The following ARHGAP28 variants were observed in gnomAD, a reference collection of about 807,000 sequenced individuals.
The protein encoded by ARHGAP28 is rho GTPase-activating protein 28.
A neutral mutation model predicts 90.7 loss-of-function variants in ARHGAP28; 56 were observed. That is an observed-to-expected ratio of 0.62 (90% CI 0.50 to 0.77). The LOEUF is 0.77. ARHGAP28 is among the 30% of genes least tolerant of loss of function. The pLI is 0.00. For synonymous variants in ARHGAP28, 308 were observed against 323.3 expected, an observed-to-expected ratio of 0.95 and a Z score of 0.51; for missense variants, 869 against 900.9, an observed-to-expected ratio of 0.96 and a Z score of 0.45.
At chr18:6,738,807 G>A (rs2055950621) in intron 1 of ARHGAP28, among the ~76,000 whole-genome samples, 1 of 152,158 alleles carries the variant, frequency 6.6e-6, no homozygotes, top group South Asian at 2.1e-4. Context: ...AGTCAAAGAA[G>A]TGAGGACTAA....
chr18:6,851,891 G>A (rs1411317655), intron 4 of ARHGAP28, among the ~76,000 whole-genome samples: 21 of 152,168 alleles, frequency 1.4e-4, no homozygotes, highest in Non-Finnish European at 2.9e-4. Flanking sequence ...ACAGGAGGGA[G>A]GGTGAGGAGG....
chr18:6,847,883 G>A (rs540134590), intron 3 of ARHGAP28, among the ~76,000 whole-genome samples: 1 of 152,266 alleles, frequency 6.6e-6, no homozygotes, highest in African/African-American at 2.4e-5. Context: ...AAAGGTGCAT[G>A]GAGCGAAGTC....
At chr18:6,879,928 C>T (rs759173866) in intron 10 of ARHGAP28, among the ~76,000 whole-genome samples, 1 of 152,206 alleles carries the variant, frequency 6.6e-6, no homozygotes, top group Non-Finnish European at 1.5e-5. Flanking sequence ...GTAGCACCTG[C>T]CCTTGACCCT....
intron 4 of ARHGAP28, among the ~76,000 whole-genome samples, chr18:6,857,956 G>A (rs2056967020): frequency 6.6e-6 from 1 of 152,162 alleles, no homozygotes; most frequent in Non-Finnish European, 1.5e-5. Flanking sequence ...GTGTAAAGGG[G>A]ATAGGTTGGT....
At chr18:6,755,119 G>A (rs1414750542) in intron 1 of ARHGAP28, among the ~76,000 whole-genome samples, 1 of 152,138 alleles carries the variant, frequency 6.6e-6, no homozygotes, top group Non-Finnish European at 1.5e-5. Flanking sequence ...GCTGCAGTGA[G>A]CCGAGATCGC....
intron 1 of ARHGAP28, among the ~76,000 whole-genome samples, chr18:6,800,448 T>C (rs573062392): frequency 1.7e-4 from 26 of 152,270 alleles, no homozygotes; most frequent in Admixed American, 5.2e-4. Context: ...AGCAAAGACT[T>C]GGAACCAACC....
chr18:6,794,196 A>C (rs2056425680), intron 1 of ARHGAP28, among the ~76,000 whole-genome samples: 1 of 152,022 alleles, frequency 6.6e-6, no homozygotes, highest in Admixed American at 6.6e-5. Flanking sequence ...TTCTTTCCCA[A>C]CCTCTTTTGA....
intron 1 of ARHGAP28, among the ~76,000 whole-genome samples, chr18:6,744,421 G>T (rs539738196): frequency 6.6e-6 from 1 of 152,138 alleles, no homozygotes; most frequent in Non-Finnish European, 1.5e-5. Context: ...TGACCTCAAG[G>T]GTCTTTTCTC....
At chr18:6,902,389 G>A (rs1010366883) in intron 16 of ARHGAP28, among the ~76,000 whole-genome samples, 1 of 152,088 alleles carries the variant, frequency 6.6e-6, no homozygotes, top group Non-Finnish European at 1.5e-5. Flanking sequence ...ATCTAAAAGA[G>A]TTCTAAAATT....
chr18:6,762,448 T>G (rs8088112), intron 1 of ARHGAP28, among the ~76,000 whole-genome samples: 4,604 of 152,342 alleles, frequency 0.03, 203 homozygotes, highest in African/African-American at 0.098. Context: ...GGATGTAATT[T>G]CATTCAGTTT....
Position 6,889,904 on chromosome 18 carries a change from T to G in ARHGAP28, c.1553T>G (p.Phe518Cys). 1 of 1,614,092 alleles carries G rather than the reference T, an allele frequency of 6.2e-7. No individual in the cohort carries two copies. Among genetic ancestry groups the G allele is most frequent in the Non-Finnish European group, 8.5e-7 (1 of 1,180,026 alleles). ...RDAAQALMTF[F>C]NKVIANESKN... ...TCTTCTTAGGCCCTCATGACATTCT[T>G]CAATAAAGTGATTGCCAATGAATCA... Residue 518 changes from phenylalanine to cysteine, a missense_variant, in exon 13 of 18, where the codon TTC becomes TGC. Phe to Cys is a radical substitution (Grantham distance 205, BLOSUM62 -2). Coordinates refer to ENST00000383472, the MANE Select transcript of ARHGAP28 (RefSeq NM_001366230.1).
rs764810618 is a variant in ARHGAP28, at chr18:6,850,922, C to T, written c.544-112C>T. 30 of 1,530,308 alleles carry T rather than the reference C, an allele frequency of 2.0e-5. No homozygotes were observed. The East Asian group carries it at 6.9e-4, about 35-fold the overall frequency. 94.8% of individuals were successfully genotyped at this position (1,530,308 alleles called of 1,614,324 possible). On this transcript the variant is annotated intron_variant, in intron 3 of 17. Coordinates refer to ENST00000383472, the MANE Select transcript of ARHGAP28 (RefSeq NM_001366230.1). Reference sequence around the variant, plus strand: ...CCAGGTAGTCATTAATTGTATATATCTCCAGGCAGCTGTACATATATATAA... The same window carrying T: ...CCAGGTAGTCATTAATTGTATATATTTCCAGGCAGCTGTACATATATATAA...
chr18:6,840,232 C>T (rs1393850868), intron 3 of ARHGAP28, among the ~76,000 whole-genome samples: 2 of 152,200 alleles, frequency 1.3e-5, no homozygotes, highest in Non-Finnish European at 2.9e-5. Flanking sequence ...TGTCCGGGAT[C>T]ATCTTGAGAG....
At chr18:6,857,070 T>G (rs888293487) in intron 4 of ARHGAP28, among the ~76,000 whole-genome samples, 3 of 152,188 alleles carry the variant, frequency 2.0e-5, no homozygotes, top group Non-Finnish European at 2.9e-5. Flanking sequence ...TGAGTACAAA[T>G]GTAGAATAAA....
At chr18:6,890,711 T>C (rs1326272596) in intron 14 of ARHGAP28, among the ~76,000 whole-genome samples, 168 bp downstream of exon 14, 2 of 152,186 alleles carry the variant, frequency 1.3e-5, no homozygotes, top group African/African-American at 4.8e-5. Context: ...CAGAGTACCG[T>C]GGCCTTTGCA....
chr18:6,825,072 T>A lies in ARHGAP28; in HGVS notation c.325+108T>A, dbSNP rs2056652740. On this transcript the variant is annotated intron_variant, in intron 2 of 17. Transcript: ENST00000383472. ...TCCCACCAATAGTTTAACCAATGAATCAGTAGAATCTGGCATATTGATGAT... is the reference window on the plus strand; with the variant it reads ...TCCCACCAATAGTTTAACCAATGAAACAGTAGAATCTGGCATATTGATGAT... 6.9e-6 allele frequency: 7 copies of A among 1,012,562 alleles called. No individual in the cohort carries two copies. The South Asian group carries it at 1.2e-4, about 18-fold the overall frequency. 62.7% of individuals were successfully genotyped at this position (1,012,562 alleles called of 1,614,324 possible).
At chr18:6,794,543 TA>T (rs989264045) in intron 1 of ARHGAP28, among the ~76,000 whole-genome samples, 2 of 152,230 alleles carry the variant, frequency 1.3e-5, no homozygotes, top group African/African-American at 4.8e-5. Flanking sequence ...CTTGTGATTT[TA>T]AAAATTCCCA....
At chr18:6,803,856 G>A (rs932962910) in intron 1 of ARHGAP28, among the ~76,000 whole-genome samples, 24 of 151,982 alleles carry the variant, frequency 1.6e-4, no homozygotes, top group African/African-American at 2.2e-4. Flanking sequence ...TTGGCTCACC[G>A]CAAGCCCCGC....
chr18:6,794,903 G>A (rs1043282326), intron 1 of ARHGAP28, among the ~76,000 whole-genome samples: 15 of 152,000 alleles, frequency 9.9e-5, no homozygotes, highest in African/African-American at 3.6e-4. Context: ...GGCTGGTCTC[G>A]AACTCCTGGG....
Sources: allele counts gnomAD v4.1 joint callset (sites outside exome capture counted in the v4.1 genomes callset), GRCh38; gene constraint gnomAD v4.1.1; transcripts MANE v1.5; gene names NCBI Gene and HGNC (gene_info 2026-07-23, HGNC 2026-07-21).